The following ADAMTSL3 variants were observed in gnomAD, a reference collection of about 807,000 sequenced individuals.
ADAMTSL3 encodes the protein ADAMTS-like protein 3.
ADAMTSL3 carries 128 observed loss-of-function variants against 201.7 expected under a neutral mutation model. That is an observed-to-expected ratio of 0.63 (90% confidence interval 0.55 to 0.73). ADAMTSL3 has a LOEUF of 0.73. Among genes scored for constraint, ADAMTSL3 ranks in the 30% least tolerant of loss-of-function variants. The pLI is 0.00. For missense variants in ADAMTSL3, 1,990 were observed against 2,119.6 expected (o/e 0.94, Z 1.20); for synonymous variants, 738 against 748.4 (o/e 0.99, Z 0.23).
chr15:83,892,485 G>C lies in ADAMTSL3; in HGVS notation c.1263-199G>C, dbSNP rs1596366084. On this transcript the variant is annotated intron_variant, in intron 12 of 29. Coordinates refer to ENST00000286744, the MANE Select transcript of ADAMTSL3 (RefSeq NM_207517.3). ...GCAGAGGTTGCAGTGAGCCAAGATT[G>C]CGCCATTGCACTCCAGCCTGGGTGA... is the stretch of plus-strand genomic sequence containing the variant. Among the ~76,000 whole-genome samples, 4 of 148,196 alleles carry C rather than the reference G, an allele frequency of 2.7e-5. No individual in the cohort carries two copies. The South Asian group carries it at 6.4e-4, about 24-fold the overall frequency.
chr15:83,867,385 C>G (rs2064999986), intron 8 of ADAMTSL3, among the ~76,000 whole-genome samples: 1 of 152,212 alleles, frequency 6.6e-6, no homozygotes, highest in African/African-American at 2.4e-5. Context: ...TCCAGGAGTG[C>G]ATCCCTTCAA....
chr15:83,906,615 CCACACACCACACACACA>C (rs768397327), intron 15 of ADAMTSL3, among the ~76,000 whole-genome samples: 9,287 of 142,396 alleles, frequency 0.065, 501 homozygotes, highest in African/African-American at 0.11. Flanking sequence ...TTATATAGTG[CCACACACCACACACACA>C]CACACACACA....
chr15:83,696,840 G>A (rs1445470449), intron 2 of ADAMTSL3, among the ~76,000 whole-genome samples: 2 of 152,174 alleles, frequency 1.3e-5, no homozygotes, highest in Non-Finnish European at 2.9e-5. Context: ...GATAAATGGA[G>A]TCCAGATCTA....
chr15:83,827,722 C>A (rs1051205790), intron 6 of ADAMTSL3, among the ~76,000 whole-genome samples: 4 of 152,140 alleles, frequency 2.6e-5, no homozygotes, highest in African/African-American at 9.7e-5. Context: ...TTTCAGCTTT[C>A]TACATATGGC....
chr15:83,913,851 G>A (rs999223621), intron 16 of ADAMTSL3, among the ~76,000 whole-genome samples: 1 of 152,196 alleles, frequency 6.6e-6, no homozygotes, highest in African/African-American at 2.4e-5. Flanking sequence ...TGTACATAGA[G>A]GGTGACATAC....
At chr15:83,817,982 A>C (rs936910118) in intron 5 of ADAMTSL3, among the ~76,000 whole-genome samples, 20 of 152,230 alleles carry the variant, frequency 1.3e-4, no homozygotes, top group African/African-American at 4.3e-4. Flanking sequence ...TGGGAGGTCC[A>C]GCCTAGGTGA....
At chr15:83,741,222 T>C (rs538730201) in intron 3 of ADAMTSL3, among the ~76,000 whole-genome samples, 1 of 150,664 alleles carries the variant, frequency 6.6e-6, no homozygotes, top group South Asian at 2.1e-4. Context: ...TTAATTATAA[T>C]ACACTAAATA....
intron 13 of ADAMTSL3, among the ~76,000 whole-genome samples, chr15:83,894,991 C>T (rs1012197103): frequency 1.8e-4 from 27 of 152,118 alleles, no homozygotes; most frequent in Non-Finnish European, 3.4e-4. Context: ...GCCATGTGTT[C>T]AGCAATGATT....
chr15:83,719,177 G>C (rs2062061547), intron 3 of ADAMTSL3, among the ~76,000 whole-genome samples: 1 of 152,156 alleles, frequency 6.6e-6, no homozygotes, highest in Admixed American at 6.5e-5. Flanking sequence ...TGAGGCTGCA[G>C]ATCTAACTAC....
intron 4 of ADAMTSL3, among the ~76,000 whole-genome samples, chr15:83,778,175 G>A (rs1225895416): frequency 6.6e-6 from 1 of 152,110 alleles, no homozygotes; most frequent in African/African-American, 2.4e-5. Context: ...GGGGATAATG[G>A]AACCAACTTG....
intron 2 of ADAMTSL3, among the ~76,000 whole-genome samples, chr15:83,690,041 T>G (rs2061591339): frequency 2.0e-5 from 3 of 152,214 alleles, no homozygotes; most frequent in Admixed American, 1.3e-4. Flanking sequence ...TCTGAAACTT[T>G]GCCACTTGTC....
intron 4 of ADAMTSL3, among the ~76,000 whole-genome samples, chr15:83,800,126 A>G (rs1437673270): frequency 6.6e-6 from 1 of 152,226 alleles, no homozygotes; most frequent in Non-Finnish European, 1.5e-5. Flanking sequence ...GTTTAAAAAT[A>G]AAAACGTTGC....
chr15:83,755,833 A>T (rs1567122917), intron 3 of ADAMTSL3, among the ~76,000 whole-genome samples: 1 of 151,472 alleles, frequency 6.6e-6, no homozygotes, highest in Non-Finnish European at 1.5e-5. Context: ...AGCTCACTAC[A>T]ACTTCCACCT....
Position 83,773,600 on chromosome 15 carries a change from G to T in ADAMTSL3, c.267G>T (p.Arg89=). 1 of 1,613,398 alleles carries T rather than the reference G, an allele frequency of 6.2e-7. No individual in the cohort carries two copies. Residue 89 remains arginine, a synonymous_variant, in exon 4 of 30, where the codon CGG becomes CGT. Coordinates refer to ENST00000286744, the MANE Select transcript of ADAMTSL3 (RefSeq NM_207517.3). ...DAWGDWSDCS[R]TCGGGASYSL... ...GGGGCGACTGGAGTGACTGCTCCCG[G>T]ACCTGTGGGGGAGGAGCATCATATT... is the stretch of plus-strand genomic sequence containing the variant.
chr15:83,679,125 G>A (rs2061445873), intron 2 of ADAMTSL3, among the ~76,000 whole-genome samples: 1 of 151,332 alleles, frequency 6.6e-6, no homozygotes, highest in African/African-American at 2.4e-5. Context: ...TATCCAGTGA[G>A]GTTTTAAAAA....
chr15:83,866,321 G>A lies in ADAMTSL3; in HGVS notation c.803-4481G>A, dbSNP rs184555104. On this transcript the variant is annotated intron_variant, in intron 8 of 29. Coordinates refer to ENST00000286744, the MANE Select transcript of ADAMTSL3 (RefSeq NM_207517.3). The stretch of plus-strand genomic sequence containing the variant: ...AGACACATGCACATGTATGTTTATT[G>A]TGGCACTATTCACAAAAGCAAAGAC... Among the ~76,000 whole-genome samples the A allele has an allele frequency of 1.8e-3, 277 of 152,294 alleles. 2 individuals are homozygous for A. Among genetic ancestry groups the A allele is most frequent in the Admixed American group, 0.015 (229 of 15,292 alleles).
chr15:83,991,841 A>C (rs887827880), intron 23 of ADAMTSL3, among the ~76,000 whole-genome samples: 1 of 152,166 alleles, frequency 6.6e-6, no homozygotes, highest in African/African-American at 2.4e-5. Flanking sequence ...ATCCTGTCTC[A>C]TTAAGCCATG....
intron 13 of ADAMTSL3, among the ~76,000 whole-genome samples, chr15:83,894,595 C>T (rs1233999230): frequency 6.6e-6 from 1 of 152,146 alleles, no homozygotes. Flanking sequence ...ATATTTCTCC[C>T]TTTGAACTCA....
chr15:83,752,558 T>G (rs2062653895), intron 3 of ADAMTSL3, among the ~76,000 whole-genome samples: 1 of 152,234 alleles, frequency 6.6e-6, no homozygotes. Context: ...TACTTTCAAC[T>G]TTGTGACCTT....
Sources: allele counts gnomAD v4.1 joint callset (sites outside exome capture counted in the v4.1 genomes callset), GRCh38; gene constraint gnomAD v4.1.1; transcripts MANE v1.5; gene names NCBI Gene and HGNC (gene_info 2026-07-23, HGNC 2026-07-21).